The following SLC16A10 variants were observed in gnomAD, a reference collection of about 807,000 sequenced individuals.
SLC16A10 encodes the protein solute carrier family 16 member 10.
A neutral mutation model predicts 40.0 loss-of-function variants in SLC16A10; 27 were observed. The ratio of observed to expected loss-of-function variants is 0.67; its 90% CI spans 0.50 to 0.93. The LOEUF (loss-of-function observed/expected upper bound fraction) is 0.93, where lower values mean the gene tolerates loss of function less well. Among genes scored for constraint, SLC16A10 ranks in the 40% least tolerant of loss-of-function variants. SLC16A10 has a pLI of 0.00. For missense variants in SLC16A10, 529 were observed against 658.2 expected, an observed-to-expected ratio of 0.80 and a Z score of 2.15; for synonymous variants, 213 against 249.8, an observed-to-expected ratio of 0.85 and a Z score of 1.39.
In SLC16A10 at chr6:111,196,175, A is replaced by G. The variant is rs149470144; in HGVS notation, c.943-10417A>G. 6.0e-3 allele frequency among the ~76,000 whole-genome samples: 908 copies of G among 152,216 alleles called. 5 individuals carry two copies. The highest frequency in any genetic ancestry group is 0.011 in the Admixed American group (172 of 15,302). On this transcript the variant is annotated intron_variant, in intron 3 of 5. Transcript: ENST00000368851. ...AACATGGCGAAACCCTGTCTGTACT[A>G]AAAATACAAAAATTAGCCAGGCATG... is the stretch of plus-strand genomic sequence containing the variant.
chr6:111,143,331 C>A (rs1772017665), intron 1 of SLC16A10, among the ~76,000 whole-genome samples: 2 of 151,998 alleles, frequency 1.3e-5, no homozygotes, highest in African/African-American at 2.4e-5. Context: ...CTGCCTCAGC[C>A]TCCCGAAGTG....
intron 1 of SLC16A10, among the ~76,000 whole-genome samples, chr6:111,126,236 G>GT (rs905639466): frequency 7.9e-5 from 12 of 151,180 alleles, no homozygotes; most frequent in East Asian, 3.9e-4. Context: ...TTTTTCCTTA[G>GT]TTTTTTTTTC....
chr6:111,107,816 T>A (rs572512260), intron 1 of SLC16A10, among the ~76,000 whole-genome samples: 4 of 152,296 alleles, frequency 2.6e-5, no homozygotes, highest in Admixed American at 2.6e-4. Flanking sequence ...GCTTGTTGAC[T>A]TTCTGGGGAG....
chr6:111,208,261 G>A (rs1773287412), intron 4 of SLC16A10, among the ~76,000 whole-genome samples: 1 of 152,092 alleles, frequency 6.6e-6, no homozygotes, highest in South Asian at 2.1e-4. Flanking sequence ...TTACAGGTGT[G>A]AGCCATGCCC....
At chr6:111,209,691 G>C (rs899852067) in intron 4 of SLC16A10, among the ~76,000 whole-genome samples, 5 of 152,256 alleles carry the variant, frequency 3.3e-5, no homozygotes, top group East Asian at 1.9e-4. Context: ...AGATGGAAAG[G>C]GAGTGGCCAG....
chr6:111,204,673 C>G (rs1209560998), intron 3 of SLC16A10, among the ~76,000 whole-genome samples: 1 of 152,170 alleles, frequency 6.6e-6, no homozygotes, highest in African/African-American at 2.4e-5. Context: ...AGGCCTAATG[C>G]AGTTTGCAGA....
At chr6:111,182,317 T>TTC (rs1296414324) in intron 3 of SLC16A10, among the ~76,000 whole-genome samples, 3 of 142,074 alleles carry the variant, frequency 2.1e-5, no homozygotes, top group Non-Finnish European at 4.6e-5. Flanking sequence ...TTTCTTTTTT[T>TTC]TTTTTTTTTT....
At chr6:111,126,569 T>C (rs775241524) in intron 1 of SLC16A10, among the ~76,000 whole-genome samples, 1 of 152,200 alleles carries the variant, frequency 6.6e-6, no homozygotes, top group South Asian at 2.1e-4. Context: ...CTTTTTGATC[T>C]AGTTAGAGTC....
intron 3 of SLC16A10, among the ~76,000 whole-genome samples, chr6:111,196,012 A>G (rs773179623): frequency 2.0e-5 from 3 of 151,938 alleles, no homozygotes; most frequent in Non-Finnish European, 4.4e-5. Context: ...AAAAAACAAT[A>G]AAAAAACACT....
chr6:111,198,509 A>G (rs1773116159), intron 3 of SLC16A10, among the ~76,000 whole-genome samples: 1 of 152,176 alleles, frequency 6.6e-6, no homozygotes, highest in African/African-American at 2.4e-5. Flanking sequence ...TAGTCACTAC[A>G]TACCTAGGCT....
intron 1 of SLC16A10, among the ~76,000 whole-genome samples, chr6:111,096,630 A>G (rs1017689796): frequency 6.6e-6 from 1 of 152,234 alleles, no homozygotes; most frequent in Non-Finnish European, 1.5e-5. Flanking sequence ...CTCACCTTGC[A>G]TATAGGAACT....
chr6:111,097,905 C>T (rs974872235), intron 1 of SLC16A10, among the ~76,000 whole-genome samples: 8 of 152,140 alleles, frequency 5.3e-5, no homozygotes, highest in Non-Finnish European at 1.0e-4. Context: ...GTCCATTGCA[C>T]CTACGGAAAG....
At chr6:111,132,067 A>G (rs1027735437) in intron 1 of SLC16A10, among the ~76,000 whole-genome samples, 2 of 152,170 alleles carry the variant, frequency 1.3e-5, no homozygotes, top group African/African-American at 4.8e-5. Flanking sequence ...CTGAACCCAG[A>G]TAGTCTTGTC....
At chr6:111,196,162 C>A (rs534244264) in intron 3 of SLC16A10, among the ~76,000 whole-genome samples, 2 of 152,226 alleles carry the variant, frequency 1.3e-5, no homozygotes, top group East Asian at 1.9e-4. Flanking sequence ...CATGGCGAAA[C>A]CCTGTCTGTA....
intron 1 of SLC16A10, among the ~76,000 whole-genome samples, chr6:111,137,080 G>A (rs918090262): frequency 9.2e-5 from 14 of 152,164 alleles, no homozygotes; most frequent in African/African-American, 2.9e-4. Context: ...GGGAACCGCC[G>A]AGTGGATATT....
intron 1 of SLC16A10, among the ~76,000 whole-genome samples, chr6:111,167,805 G>A (rs1562419874): frequency 6.6e-6 from 1 of 151,706 alleles, no homozygotes. Context: ...AGAAGCTGGG[G>A]GTACTGTTGT....
chr6:111,137,006 G>C (rs1242712270), intron 1 of SLC16A10, among the ~76,000 whole-genome samples: 6 of 152,176 alleles, frequency 3.9e-5, no homozygotes, highest in African/African-American at 1.4e-4. Flanking sequence ...ACTATTATTG[G>C]CTGCACAGAA....
At chr6:111,104,551 A>G (rs1448579784) in intron 1 of SLC16A10, among the ~76,000 whole-genome samples, 14 of 152,140 alleles carry the variant, frequency 9.2e-5, no homozygotes. Flanking sequence ...GATGTCATGG[A>G]CAGGTATGGG....
At chr6:111,137,722 G>A (rs182337111) in intron 1 of SLC16A10, among the ~76,000 whole-genome samples, 1 of 152,330 alleles carries the variant, frequency 6.6e-6, no homozygotes, top group East Asian at 1.9e-4. Flanking sequence ...AATAGTACTT[G>A]GGTTTTCCTG....
Sources: allele counts gnomAD v4.1 joint callset (sites outside exome capture counted in the v4.1 genomes callset), GRCh38; gene constraint gnomAD v4.1.1; transcripts MANE v1.5; gene names NCBI Gene and HGNC (gene_info 2026-07-23, HGNC 2026-07-21).